SNED1: variants seen among roughly 807,000 people sequenced by gnomAD.
The protein encoded by SNED1 is sushi, nidogen and EGF-like domain-containing protein 1.
In SNED1, 81 loss-of-function variants were observed where a neutral mutation model predicts 166.7. That is an observed-to-expected ratio of 0.49 (90% CI 0.41 to 0.58). The LOEUF is 0.58. SNED1 is among the 20% of genes least tolerant of loss of function. The probability of loss-of-function intolerance (pLI) is 0.00; values close to 1 mark genes in which losing one functional copy is unlikely to be tolerated. For synonymous variants in SNED1, 762 were observed against 822.0 expected (o/e 0.93, Z 1.25); for missense variants, 1,604 against 2,000.2 (o/e 0.80, Z 3.78).
At chr2:241,066,591 G>GCA (rs1201985380) in intron 21 of SNED1, among the ~76,000 whole-genome samples, 1 of 151,628 alleles carries the variant, frequency 6.6e-6, no homozygotes, top group African/African-American at 2.4e-5. Flanking sequence ...AAGAGGAAAA[G>GCA]GTGCTGAGAG....
intron 16 of SNED1, among the ~76,000 whole-genome samples, chr2:241,062,310 A>G (rs961521706): frequency 6.6e-6 from 1 of 152,150 alleles, no homozygotes; most frequent in Non-Finnish European, 1.5e-5. Flanking sequence ...CCATTTATTT[A>G]CTTTTTAAGC....
In SNED1 at chr2:241,070,224, G is replaced by A. The variant is rs369319826; in HGVS notation, c.3589+23G>A. ...CCTGTGAGTGCCGTGGGCCCTGCGC[G>A]TGGGCGGGGCCAGTGTTTGCCAGCC... is the stretch of plus-strand genomic sequence containing the variant. On this transcript the variant is annotated intron_variant, in intron 24 of 31. Coordinates refer to ENST00000310397, the MANE Select transcript of SNED1 (RefSeq NM_001080437.3). 1.7e-4 allele frequency: 274 copies of A among 1,583,824 alleles called. No homozygotes were observed. In the African/African-American group the frequency reaches 2.7e-3, roughly 16 times the overall value.
At chr2:241,082,196 C>A in intron 28 of SNED1, 81 bp from the exon 29 acceptor site, 4 of 1,179,238 alleles carry the variant, frequency 3.4e-6, no homozygotes, top group Non-Finnish European at 3.7e-6. Context: ...CCCGGGCCCT[C>A]TCCCTTGGGC....
At chr2:241,072,002 A>C in intron 26 of SNED1, 124 bp downstream of exon 26, 1 of 866,154 alleles carries the variant, frequency 1.2e-6, no homozygotes, top group Non-Finnish European at 1.9e-6. Context: ...CCAGCCAGTG[A>C]CCCCCACCCC....
intron 8 of SNED1, among the ~76,000 whole-genome samples, chr2:241,042,923 A>C (rs1289632190): frequency 6.6e-6 from 1 of 151,976 alleles, no homozygotes; most frequent in Admixed American, 6.6e-5. Context: ...AGGATGGAGA[A>C]CAGTATCAAG....
At chr2:241,088,672 C>A in intron 31 of SNED1, 1 of 471,196 alleles carries the variant, frequency 2.1e-6, no homozygotes. Context: ...CACTCTCTCT[C>A]AAGGGAAATG....
chr2:241,002,528 AAGC>A (rs1170186576), intron 1 of SNED1, among the ~76,000 whole-genome samples: 2 of 151,974 alleles, frequency 1.3e-5, no homozygotes, highest in Non-Finnish European at 2.9e-5. Flanking sequence ...GGTGTGACGG[AAGC>A]AGATGGAAGG....
chr2:241,013,172 T>C lies in SNED1; in HGVS notation c.213+14122T>C, dbSNP rs1040113070. ...TTAACTACGGTTGCCATGCATTACA[T>C]GGAGACCCCAGAACTTACTCATCCT... On this transcript the variant is annotated intron_variant, in intron 1 of 31. Transcript: ENST00000310397. The surrounding 1 kb of genome is among the most constrained non-coding windows in gnomAD (Gnocchi z 4.6). Among the ~76,000 whole-genome samples the C allele has an allele frequency of 6.6e-6, 1 of 152,210 alleles. No homozygotes were observed. The highest frequency in any genetic ancestry group is 6.5e-5 in the Admixed American group (1 of 15,282).
intron 24 of SNED1, chr2:241,071,279 C>G: frequency 2.1e-6 from 1 of 483,054 alleles, no homozygotes; most frequent in Non-Finnish European, 3.8e-6. Flanking sequence ...CCCTTGAGAA[C>G]TTGAGTGACG....
intron 1 of SNED1, among the ~76,000 whole-genome samples, chr2:241,014,797 C>T (rs932831467): frequency 1.3e-5 from 2 of 152,150 alleles, no homozygotes; most frequent in African/African-American, 4.8e-5. Flanking sequence ...TTCATTTTGT[C>T]CTTCACACGC....
chr2:241,005,994 C>T (rs1221070448), intron 1 of SNED1, among the ~76,000 whole-genome samples: 1 of 152,064 alleles, frequency 6.6e-6, no homozygotes, highest in Non-Finnish European at 1.5e-5. Flanking sequence ...TCCTTTCTCT[C>T]CTCTCTTTTG....
At chr2:241,041,878 T>C (rs1426194895) in intron 8 of SNED1, among the ~76,000 whole-genome samples, 1 of 152,100 alleles carries the variant, frequency 6.6e-6, no homozygotes, top group Non-Finnish European at 1.5e-5. Context: ...AATTAACTGC[T>C]CTTGGAATTT....
At chr2:241,081,487 GCT>G (rs893665342) in intron 27 of SNED1, among the ~76,000 whole-genome samples, 188 bp from the exon 28 acceptor site, 11 of 152,166 alleles carry the variant, frequency 7.2e-5, no homozygotes, top group Non-Finnish European at 1.2e-4. Context: ...CCTCACCTCT[GCT>G]CTCTCTCAAC....
intron 31 of SNED1, chr2:241,088,730 G>T: frequency 2.8e-6 from 1 of 355,292 alleles, no homozygotes. Flanking sequence ...AGAGGCAGGG[G>T]GGTGGGCCCT....
At chr2:241,052,643 C>T (rs1173285483) in intron 15 of SNED1, among the ~76,000 whole-genome samples, 175 bp downstream of exon 15, 149 of 94,664 alleles carry the variant, frequency 1.6e-3, no homozygotes, top group Middle Eastern at 0.025. Flanking sequence ...GCCGGGGGGC[C>T]AAGCAGGGTA....
intron 3 of SNED1, 86 bp downstream of exon 3, chr2:241,033,961 C>G: frequency 6.8e-7 from 1 of 1,466,792 alleles, no homozygotes; most frequent in South Asian, 1.4e-5. Flanking sequence ...TAGGCAGGGG[C>G]TCACCATAGG....
chr2:241,036,520 G>C (rs890858617), intron 4 of SNED1, among the ~76,000 whole-genome samples: 4 of 152,096 alleles, frequency 2.6e-5, no homozygotes, highest in African/African-American at 7.2e-5. Context: ...GGATGGAGGG[G>C]ACGGGGTGCT....
At chr2:241,065,223 G>A in intron 20 of SNED1, 76 bp from the exon 21 acceptor site, 3 of 1,490,676 alleles carry the variant, frequency 2.0e-6, no homozygotes, top group Non-Finnish European at 2.7e-6. Context: ...ACCCGGCTGA[G>A]CCGCCGACGG....
At chr2:241,037,860 C>T (rs916031880) in intron 6 of SNED1, among the ~76,000 whole-genome samples, 2 of 152,234 alleles carry the variant, frequency 1.3e-5, no homozygotes, top group African/African-American at 4.8e-5. Context: ...CCCCTGCCTT[C>T]AGGGAAAGGG....
Sources: gnomAD v4.1 joint callset for allele counts (sites outside exome capture counted in the v4.1 genomes callset) on GRCh38, gnomAD v4.1.1 for gene constraint, Gnocchi (gnomAD v3.1) non-coding constraint, MANE v1.5 for transcripts, NCBI Gene and HGNC (gene_info 2026-07-23, HGNC 2026-07-21) for gene names.